The following RAD54L2 variants were observed in gnomAD, a reference collection of about 807,000 sequenced individuals.
RAD54L2 encodes the protein helicase ARIP4.
A neutral mutation model predicts 138.4 loss-of-function variants in RAD54L2; 27 were observed. The ratio of observed to expected loss-of-function variants is 0.20; its 90% CI spans 0.14 to 0.27. RAD54L2 has a LOEUF of 0.27. Ranked by LOEUF, RAD54L2 falls within the 10% of genes least tolerant of loss-of-function variation. RAD54L2 has a pLI of 1.00. For synonymous variants in RAD54L2, 644 were observed against 723.2 expected, an observed-to-expected ratio of 0.89 and a Z score of 1.76; for missense variants, 1,396 against 1,890.2, an observed-to-expected ratio of 0.74 and a Z score of 4.85.
chr3:51,653,946 CA>C lies in RAD54L2; in HGVS notation c.3027-2018del, dbSNP rs1196309920. Among the ~76,000 whole-genome samples the C allele has an allele frequency of 2.9e-4, 44 of 152,014 alleles. 1 individual carries two copies. Among genetic ancestry groups the C allele is most frequent in the Non-Finnish European group, 1.6e-4 (11 of 67,978 alleles). On this transcript the variant is annotated intron_variant, in intron 19 of 22. Coordinates refer to ENST00000684192, the MANE Select transcript of RAD54L2 (RefSeq NM_015106.4). ...TAAAGTATAATAAAATTCAAACAAA[CA>C]AAAAAACTTGACAAATGAGGTTCCA...
rs1334685643 is a variant in RAD54L2 at position 51,663,887 on chromosome 3, T to C, written c.*467T>C. ...GGTGGGTAGGGGGAGCAGACTGTGA[T>C]CCCATGTGAAGTGGGGTCTTTTTAG... On this transcript the variant is annotated 3_prime_UTR_variant, in exon 23 of 23. Coordinates refer to ENST00000684192, the MANE Select transcript of RAD54L2 (RefSeq NM_015106.4). The C allele has an allele frequency of 2.5e-5, 4 of 157,034 alleles. No homozygotes were observed. The highest frequency in any genetic ancestry group is 5.5e-5 in the Non-Finnish European group (4 of 73,042). The allele number at this position is 157,034 out of a possible 1,614,324, so 9.7% of individuals were successfully genotyped here.
At position 51,637,108 on chromosome 3, in the gene RAD54L2, G is replaced by A; in HGVS notation, c.1340-53G>A. 6.9e-7 allele frequency: 1 copy of A among 1,451,934 alleles called. No individual in the cohort carries two copies. Among genetic ancestry groups the A allele is most frequent in the Non-Finnish European group, 9.4e-7 (1 of 1,060,206 alleles). The allele number at this position is 1,451,934 out of a possible 1,614,324, so 89.9% of individuals were successfully genotyped here. ...GTGCACCCCTACTTCTCATATTATTGACTAAGAGCAGGCCCTGTCACCCTC... is the reference window on the plus strand; with the variant it reads ...GTGCACCCCTACTTCTCATATTATTAACTAAGAGCAGGCCCTGTCACCCTC... On this transcript the variant is annotated intron_variant, in intron 10 of 22. Coordinates refer to ENST00000684192, the MANE Select transcript of RAD54L2 (RefSeq NM_015106.4). This position sits in a 1 kb window ranked among gnomAD's most constrained non-coding sequence, Gnocchi z 5.9.
intron 19 of RAD54L2, among the ~76,000 whole-genome samples, chr3:51,649,669 A>C (rs1048699737): frequency 6.6e-6 from 1 of 152,248 alleles, no homozygotes; most frequent in African/African-American, 2.4e-5. Flanking sequence ...AAGAATTTTC[A>C]ACCCAGAATT....
At chr3:51,539,389 C>A (rs1169385989) in intron 1 of RAD54L2, among the ~76,000 whole-genome samples, 1 of 152,096 alleles carries the variant, frequency 6.6e-6, no homozygotes, top group African/African-American at 2.4e-5. Flanking sequence ...CGGGCTGGGG[C>A]AGAAGAGGCA....
At chr3:51,650,365 T>G (rs936148149) in intron 19 of RAD54L2, among the ~76,000 whole-genome samples, 1 of 152,184 alleles carries the variant, frequency 6.6e-6, no homozygotes, top group East Asian at 1.9e-4. Flanking sequence ...CTGTCAAGAT[T>G]AGACAGATCA....
chr3:51,655,444 T>G (rs1701574128), intron 19 of RAD54L2, among the ~76,000 whole-genome samples: 1 of 152,176 alleles, frequency 6.6e-6, no homozygotes, highest in Non-Finnish European at 1.5e-5. Context: ...GGTGTCTGTA[T>G]TACTTATTGA....
intron 19 of RAD54L2, among the ~76,000 whole-genome samples, chr3:51,649,354 C>A (rs989889900): frequency 5.3e-5 from 8 of 152,130 alleles, no homozygotes; most frequent in Non-Finnish European, 7.3e-5. Context: ...CAGAATGGAA[C>A]CAAGCTGGAA....
chr3:51,603,596 ACT>A (rs1053660140), intron 3 of RAD54L2, among the ~76,000 whole-genome samples: 7 of 151,782 alleles, frequency 4.6e-5, no homozygotes, highest in African/African-American at 1.7e-4. Context: ...ACAGAAGGAG[ACT>A]CTGCCTCAAA....
At chr3:51,630,202 A>G in intron 5 of RAD54L2, 70 bp from the exon 6 acceptor site, 1 of 1,211,206 alleles carries the variant, frequency 8.3e-7, no homozygotes, top group Non-Finnish European at 1.2e-6. Flanking sequence ...GGGGTGGTGA[A>G]TTGTTTTGGG....
chr3:51,575,407 G>A (rs1699456257), intron 2 of RAD54L2, among the ~76,000 whole-genome samples: 1 of 152,102 alleles, frequency 6.6e-6, no homozygotes. Flanking sequence ...TAGCTTCATG[G>A]GGATGGCATT....
At chr3:51,554,416 G>T (rs2108694922) in intron 2 of RAD54L2, among the ~76,000 whole-genome samples, 1 of 151,276 alleles carries the variant, frequency 6.6e-6, no homozygotes, top group Non-Finnish European at 1.5e-5. Flanking sequence ...TGTAATCCCA[G>T]CTATTCGGGA....
intron 12 of RAD54L2, 56 bp from the exon 13 acceptor site, chr3:51,639,363 G>C: frequency 6.3e-7 from 1 of 1,589,274 alleles, no homozygotes; most frequent in Non-Finnish European, 8.6e-7. Flanking sequence ...GACTCCCTGG[G>C]ACACCCTTGG....
chr3:51,612,646 A>G (rs1700355361), intron 3 of RAD54L2, among the ~76,000 whole-genome samples: 1 of 150,600 alleles, frequency 6.6e-6, no homozygotes, highest in African/African-American at 2.4e-5. Flanking sequence ...AGTAACAGCT[A>G]GTCTGTGGCT....
chr3:51,612,912 AT>A (rs1459455567), intron 3 of RAD54L2, among the ~76,000 whole-genome samples: 1 of 152,108 alleles, frequency 6.6e-6, no homozygotes, highest in African/African-American at 2.4e-5. Context: ...TGTCTGTAAG[AT>A]TTTAGTAGAA....
chr3:51,629,952 A>T (rs890716434), intron 5 of RAD54L2, among the ~76,000 whole-genome samples: 5 of 152,224 alleles, frequency 3.3e-5, no homozygotes, highest in Non-Finnish European at 5.9e-5. Flanking sequence ...AATCAGAAGA[A>T]GATCATTTAA....
chr3:51,635,414 G>A (rs1005842225), intron 9 of RAD54L2, among the ~76,000 whole-genome samples, 179 bp from the exon 10 acceptor site: 4 of 152,170 alleles, frequency 2.6e-5, no homozygotes, highest in African/African-American at 9.7e-5. Flanking sequence ...ATGATGGGAG[G>A]TTCTTGGGTG....
intron 7 of RAD54L2, among the ~76,000 whole-genome samples, chr3:51,631,354 G>A (rs544781336): frequency 6.6e-6 from 1 of 152,106 alleles, no homozygotes; most frequent in South Asian, 2.1e-4. Flanking sequence ...TCCAGAGCCT[G>A]GAACCAGGAC....
At chr3:51,609,698 TTGTGTGTGTGTGTG>T (rs5848928) in intron 3 of RAD54L2, among the ~76,000 whole-genome samples, 30 of 141,174 alleles carry the variant, frequency 2.1e-4, no homozygotes, top group South Asian at 7.2e-4. Flanking sequence ...TTGTGGGCAT[TTGTGTGTGTGTGTG>T]TGTGTGTGTG....
intron 2 of RAD54L2, among the ~76,000 whole-genome samples, chr3:51,573,595 C>T (rs185845284): frequency 5.3e-5 from 8 of 152,134 alleles, no homozygotes; most frequent in Admixed American, 4.6e-4. Context: ...GCCACCACGC[C>T]CGAGTAGGTG....
Sources: allele counts gnomAD v4.1 joint callset (sites outside exome capture counted in the v4.1 genomes callset), GRCh38; gene constraint gnomAD v4.1.1; non-coding constraint Gnocchi (gnomAD v3.1); transcripts MANE v1.5; gene names NCBI Gene and HGNC (gene_info 2026-07-23, HGNC 2026-07-21).